Variants in MAF observed in about 807,000 individuals in gnomAD.
MAF encodes the protein MAF bZIP transcription factor.
MAF carries 10 observed loss-of-function variants against 22.0 expected under a neutral mutation model. That is an observed-to-expected ratio of 0.45 (90% CI 0.28 to 0.77). MAF has a LOEUF of 0.77. MAF is among the 30% of genes least tolerant of loss of function. MAF has a pLI of 0.12. For missense variants in MAF, 544 were observed against 548.4 expected (o/e 0.99, Z 0.08); for synonymous variants, 337 against 255.8 (o/e 1.32, Z -3.03).
chr16:79,538,918 C>G, the MAF span, among the ~76,000 whole-genome samples: 1 of 149,542 alleles, frequency 6.7e-6, no homozygotes, highest in Non-Finnish European at 1.5e-5. Flanking sequence ...AAAAAGAAAT[C>G]ACCCAGGAAA....
the MAF span, among the ~76,000 whole-genome samples, chr16:79,355,715 C>T: frequency 6.6e-6 from 1 of 152,078 alleles, no homozygotes; most frequent in African/African-American, 2.4e-5. Flanking sequence ...AAGAAATTCC[C>T]CTGTGGCAAT....
the MAF span, among the ~76,000 whole-genome samples, chr16:79,241,393 C>A: frequency 1.3e-5 from 2 of 151,986 alleles, no homozygotes; most frequent in African/African-American, 4.8e-5. Flanking sequence ...CTTCATGAAG[C>A]ATACACAAGT....
the MAF span, among the ~76,000 whole-genome samples, chr16:79,475,327 T>A: frequency 2.7e-5 from 4 of 147,734 alleles, no homozygotes; most frequent in African/African-American, 9.9e-5. Flanking sequence ...TGTGCATATA[T>A]ATATGGAGAT....
chr16:79,292,578 T>C, the MAF span, among the ~76,000 whole-genome samples: 2 of 152,194 alleles, frequency 1.3e-5, no homozygotes, highest in Non-Finnish European at 2.9e-5. Context: ...ATTACCAATA[T>C]AGTCAGAGGC....
At chr16:79,411,531 G>T in the MAF span, among the ~76,000 whole-genome samples, 3 of 152,146 alleles carry the variant, frequency 2.0e-5, no homozygotes, top group African/African-American at 4.8e-5. Context: ...CCCTGCAGGG[G>T]TCTGTTTGGG....
the MAF span, among the ~76,000 whole-genome samples, chr16:79,353,973 G>GACACAT: frequency 6.6e-6 from 1 of 152,058 alleles, no homozygotes; most frequent in Admixed American, 6.6e-5. Flanking sequence ...GTGGGGTAGA[G>GACACAT]ACACATAAGC....
At chr16:79,538,458 A>G in the MAF span, among the ~76,000 whole-genome samples, 1 of 152,230 alleles carries the variant, frequency 6.6e-6, no homozygotes, top group African/African-American at 2.4e-5. Context: ...AAAAATGAAG[A>G]AAGTATGGGG....
the MAF span, among the ~76,000 whole-genome samples, chr16:79,263,269 T>G: frequency 6.6e-5 from 10 of 152,314 alleles, no homozygotes; most frequent in South Asian, 2.1e-3. Context: ...CACGTTAGTC[T>G]TCATAGTCTT....
the MAF span, among the ~76,000 whole-genome samples, chr16:79,390,599 G>A: frequency 3.9e-5 from 6 of 152,086 alleles, no homozygotes; most frequent in Non-Finnish European, 5.9e-5. Context: ...TGAAAAACCC[G>A]GCTTGGAGGT....
chr16:79,296,243 T>C, the MAF span, among the ~76,000 whole-genome samples: 1 of 152,218 alleles, frequency 6.6e-6, no homozygotes, highest in Non-Finnish European at 1.5e-5. Context: ...AGGAACAGTC[T>C]AAGAACATAG....
chr16:79,218,943 C>T, the MAF span, among the ~76,000 whole-genome samples: 4 of 152,190 alleles, frequency 2.6e-5, no homozygotes, highest in Non-Finnish European at 5.9e-5. Context: ...GTGGTTCATA[C>T]TGGCTTAGGT....
chr16:79,324,992 C>G, the MAF span, among the ~76,000 whole-genome samples: 1 of 152,234 alleles, frequency 6.6e-6, no homozygotes, highest in East Asian at 1.9e-4. Context: ...CAATCTCTGC[C>G]TCCATCTTCA....
chr16:79,571,316 T>A, the MAF span, among the ~76,000 whole-genome samples: 1 of 151,972 alleles, frequency 6.6e-6, no homozygotes, highest in East Asian at 1.9e-4. Flanking sequence ...TACATAGTGA[T>A]CCCAGATACA....
the MAF span, among the ~76,000 whole-genome samples, chr16:79,351,093 T>G: frequency 6.6e-6 from 1 of 152,188 alleles, no homozygotes; most frequent in African/African-American, 2.4e-5. Context: ...ACAAGTGGCA[T>G]GCTCACTTGA....
At chr16:79,407,591 C>T in the MAF span, among the ~76,000 whole-genome samples, 1 of 152,216 alleles carries the variant, frequency 6.6e-6, no homozygotes, top group East Asian at 1.9e-4. Context: ...GGCCATGGCA[C>T]GACCCATTAA....
chr16:79,316,829 G>A, the MAF span, among the ~76,000 whole-genome samples: 5 of 152,236 alleles, frequency 3.3e-5, no homozygotes, highest in East Asian at 5.8e-4. Flanking sequence ...TCTCTGGGCT[G>A]GTTGCCAACA....
chr16:79,490,635 C>T, the MAF span, among the ~76,000 whole-genome samples: 7 of 152,054 alleles, frequency 4.6e-5, no homozygotes, highest in African/African-American at 1.7e-4. Flanking sequence ...CTCACACATG[C>T]ATAAATATAT....
At chr16:79,529,892 C>T in the MAF span, among the ~76,000 whole-genome samples, 218 of 128,204 alleles carry the variant, frequency 1.7e-3, 2 homozygotes, top group African/African-American at 6.2e-3. Context: ...ACCTGGGAGG[C>T]GGAGGTTGCA....
the MAF span, among the ~76,000 whole-genome samples, chr16:79,488,230 G>A: frequency 8.5e-5 from 13 of 152,264 alleles, no homozygotes; most frequent in East Asian, 1.9e-4. Context: ...TTGTGAACCT[G>A]CCTTTTCCTC....
Sources: gnomAD v4.1 joint callset for allele counts (sites outside exome capture counted in the v4.1 genomes callset) on GRCh38, gnomAD v4.1.1 for gene constraint, MANE v1.5 for transcripts, NCBI Gene and HGNC (gene_info 2026-07-23, HGNC 2026-07-21) for gene names.